Variants in TSHZ2 observed in about 807,000 individuals in gnomAD.
The protein encoded by TSHZ2 is teashirt zinc finger homeobox 2.
TSHZ2 carries 21 observed loss-of-function variants against 74.4 expected under a neutral mutation model. The observed-to-expected ratio is 0.28, with a 90% CI of 0.20 to 0.41. The LOEUF is 0.41. Ranked by LOEUF, TSHZ2 falls within the 10% of genes least tolerant of loss-of-function variation. The pLI is 1.00. For missense variants in TSHZ2, 1,244 were observed against 1,293.5 expected (o/e 0.96, Z 0.59); for synonymous variants, 540 against 515.3 (o/e 1.05, Z -0.65).
intron 2 of TSHZ2, among the ~76,000 whole-genome samples, chr20:53,377,272 A>G (rs1981691751): frequency 6.6e-6 from 1 of 152,216 alleles, no homozygotes; most frequent in South Asian, 2.1e-4. Flanking sequence ...TACCAGTGAG[A>G]CCGTCACCTC....
intron 1 of TSHZ2, chr20:53,206,716 A>C (rs1600741292): frequency 1.3e-5 from 2 of 152,190 alleles, no homozygotes; most frequent in Middle Eastern, 6.8e-3. Context: ...AGACCTTGGG[A>C]TTTTTATAAT....
chr20:53,063,031 C>G (rs1321045379), intron 1 of TSHZ2, among the ~76,000 whole-genome samples: 1 of 151,976 alleles, frequency 6.6e-6, no homozygotes, highest in African/African-American at 2.4e-5. Context: ...GTTTGGCACC[C>G]CCGAAACAAT....
At chr20:53,157,628 A>G (rs906527514) in intron 1 of TSHZ2, among the ~76,000 whole-genome samples, 1 of 152,128 alleles carries the variant, frequency 6.6e-6, no homozygotes, top group Non-Finnish European at 1.5e-5. Flanking sequence ...GCTTTGCTAT[A>G]GGAAGCACTA....
chr20:53,113,771 G>C (rs1233460611), intron 1 of TSHZ2, among the ~76,000 whole-genome samples: 1 of 152,048 alleles, frequency 6.6e-6, no homozygotes, highest in Non-Finnish European at 1.5e-5. Context: ...TAATACCTTA[G>C]GCATCTCCTC....
chr20:53,079,744 A>G (rs568730502), intron 1 of TSHZ2, among the ~76,000 whole-genome samples: 72 of 152,300 alleles, frequency 4.7e-4, no homozygotes, highest in African/African-American at 1.7e-3. Context: ...TAGCCACTCT[A>G]TACCCTTTAT....
rs1398246133 is a variant in TSHZ2 at position 53,469,688 on chromosome 20, G to A, written c.*9-17456G>A. Reference sequence around the variant, plus strand: ...AGGAAGGAAGGAAGGAAGGAAGGACGGACCCAAGAAAGATAGAGAAAGAGA... The same window carrying A: ...AGGAAGGAAGGAAGGAAGGAAGGACAGACCCAAGAAAGATAGAGAAAGAGA... On this transcript the variant is annotated intron_variant, in intron 2 of 2. Coordinates refer to ENST00000371497, the MANE Select transcript of TSHZ2 (RefSeq NM_173485.6). Among the ~76,000 whole-genome samples the A allele has an allele frequency of 5.1e-5, 5 of 97,884 alleles. 1 individual carries two copies. The highest frequency in any genetic ancestry group is 8.3e-5 in the Non-Finnish European group (4 of 47,984). 64.2% of individuals were successfully genotyped at this position (97,884 alleles called of 152,430 possible). A position where few individuals can be genotyped will look rare whatever the true frequency, so the allele number is the denominator to read the frequency against.
intron 1 of TSHZ2, among the ~76,000 whole-genome samples, chr20:53,252,693 C>A (rs1186539402): frequency 1.3e-5 from 2 of 152,170 alleles, no homozygotes; most frequent in African/African-American, 4.8e-5. Flanking sequence ...CGGGTACCCA[C>A]AAATCACAGT....
intron 2 of TSHZ2, among the ~76,000 whole-genome samples, chr20:53,308,086 G>A (rs1978621650): frequency 6.6e-6 from 1 of 152,208 alleles, no homozygotes; most frequent in South Asian, 2.1e-4. Flanking sequence ...GGCAGAAACT[G>A]CATCTTTCCG....
chr20:53,260,343 G>A (rs1169884531), intron 2 of TSHZ2, among the ~76,000 whole-genome samples: 1 of 152,194 alleles, frequency 6.6e-6, no homozygotes, highest in Non-Finnish European at 1.5e-5. Flanking sequence ...GATTCTGCCT[G>A]AATTCCCCAA....
chr20:53,397,535 A>C (rs1024052704), intron 2 of TSHZ2: 10 of 152,244 alleles, frequency 6.6e-5, no homozygotes, highest in African/African-American at 2.4e-4. Context: ...GTGGGACTGT[A>C]AACTAGTTCA....
chr20:53,142,581 C>G (rs1332304561), intron 1 of TSHZ2, among the ~76,000 whole-genome samples: 1 of 152,184 alleles, frequency 6.6e-6, no homozygotes, highest in Non-Finnish European at 1.5e-5. Context: ...TTACCTGAAC[C>G]AGTCAGCACA....
At chr20:53,077,663 G>T (rs911765394) in intron 1 of TSHZ2, among the ~76,000 whole-genome samples, 2 of 152,136 alleles carry the variant, frequency 1.3e-5, no homozygotes, top group Non-Finnish European at 2.9e-5. Context: ...ACACAGACAG[G>T]GTAGTGGAGG....
At chr20:53,040,291 A>T (rs1165147411) in intron 1 of TSHZ2, among the ~76,000 whole-genome samples, 2 of 152,168 alleles carry the variant, frequency 1.3e-5, no homozygotes, top group African/African-American at 4.8e-5. Context: ...GTCCTGGGGC[A>T]GAGTCATGTT....
intron 2 of TSHZ2, among the ~76,000 whole-genome samples, chr20:53,402,679 C>T (rs1030933538): frequency 2.0e-5 from 3 of 152,134 alleles, no homozygotes; most frequent in Admixed American, 6.5e-5. Context: ...AAGTGACATT[C>T]GATGCCTGAC....
intron 1 of TSHZ2, among the ~76,000 whole-genome samples, chr20:53,159,078 C>T (rs1019844246): frequency 2.0e-5 from 3 of 152,170 alleles, no homozygotes; most frequent in African/African-American, 7.2e-5. Flanking sequence ...AATTCCAGCT[C>T]ATTTATTTGA....
intron 2 of TSHZ2, among the ~76,000 whole-genome samples, chr20:53,354,639 G>C (rs1241894578): frequency 6.6e-6 from 1 of 152,138 alleles, no homozygotes; most frequent in Admixed American, 6.5e-5. Context: ...TAGTCACAGA[G>C]AAATTCCGAG....
intron 2 of TSHZ2, among the ~76,000 whole-genome samples, chr20:53,360,319 G>A (rs542074301): frequency 4.6e-5 from 7 of 152,252 alleles, no homozygotes; most frequent in African/African-American, 1.7e-4. Context: ...ATGTCCTAAG[G>A]TGTAATTTAC....
chr20:52,973,283 C>A lies in TSHZ2; in HGVS notation c.-11C>A, dbSNP rs1376338725. On this transcript the variant is annotated 5_prime_UTR_variant, in exon 1 of 3. Coordinates refer to ENST00000371497, the MANE Select transcript of TSHZ2 (RefSeq NM_173485.6). Reference sequence around the variant, plus strand: ...TGGGGCGCCAGAAGTGGGACTGGAGCGAAGTAGAGGATGCCGAGGAGAAAA... The same window carrying A: ...TGGGGCGCCAGAAGTGGGACTGGAGAGAAGTAGAGGATGCCGAGGAGAAAA... The A allele has an allele frequency of 9.7e-6, 15 of 1,552,676 alleles. No individual in the cohort carries two copies. Among genetic ancestry groups the A allele is most frequent in the African/African-American group, 2.7e-5 (2 of 73,214 alleles).
At chr20:53,221,413 T>C (rs1989553750) in intron 1 of TSHZ2, among the ~76,000 whole-genome samples, 1 of 152,230 alleles carries the variant, frequency 6.6e-6, no homozygotes, top group Non-Finnish European at 1.5e-5. Flanking sequence ...TGTGGGTATC[T>C]ATAGGGGCCA....
Sources: allele counts gnomAD v4.1 joint callset (sites outside exome capture counted in the v4.1 genomes callset), GRCh38; gene constraint gnomAD v4.1.1; transcripts MANE v1.5; gene names NCBI Gene and HGNC (gene_info 2026-07-23, HGNC 2026-07-21).